The following ATRN variants were observed in gnomAD, a reference collection of about 807,000 sequenced individuals.
The protein encoded by ATRN is attractin.
A neutral mutation model predicts 178.7 loss-of-function variants in ATRN; 54 were observed. The observed-to-expected ratio is 0.30, with a 90% CI of 0.24 to 0.38. The LOEUF (loss-of-function observed/expected upper bound fraction) is 0.38, where lower values mean the gene tolerates loss of function less well. ATRN is among the 10% of genes least tolerant of loss of function. ATRN has a pLI of 1.00. For missense variants in ATRN, 1,443 were observed against 1,815.1 expected (o/e 0.79, Z 3.73); for synonymous variants, 636 against 663.0 (o/e 0.96, Z 0.63).
intron 18 of ATRN, among the ~76,000 whole-genome samples, chr20:3,588,007 C>T (rs2086382107): frequency 1.3e-5 from 2 of 152,028 alleles, no homozygotes; most frequent in Non-Finnish European, 2.9e-5. Flanking sequence ...CTACCAACAC[C>T]CAGCTAATTT....
rs777971721 is a variant in ATRN, at chr20:3,584,765, A to G, written c.3069A>G (p.Gly1023=). The G allele has an allele frequency of 1.2e-6, 2 of 1,614,038 alleles. No individual in the cohort carries two copies. The highest frequency in any genetic ancestry group is 1.3e-5 in the African/African-American group (1 of 74,904). ...AATGCATAGAGGGTTCCTATAAAGGACCAGTGAAGATGCCTTCGCAAGCCC... is the reference window on the plus strand; with the variant it reads ...AATGCATAGAGGGTTCCTATAAAGGGCCAGTGAAGATGCCTTCGCAAGCCC... ...KGKCIEGSYK[G]PVKMPSQAPT... The change falls in exon 18 of 29, where the codon GGA becomes GGG. Residue 1023 remains glycine (G), a synonymous_variant. Transcript: ENST00000262919.
chr20:3,582,895 A>G (rs1462241071), intron 16 of ATRN, among the ~76,000 whole-genome samples: 1 of 152,170 alleles, frequency 6.6e-6, no homozygotes, highest in African/African-American at 2.4e-5. Context: ...GTAGCTTCCC[A>G]GCTTTCAGTC....
chr20:3,622,278 G>C (rs1424684438), intron 24 of ATRN, among the ~76,000 whole-genome samples: 1 of 152,138 alleles, frequency 6.6e-6, no homozygotes, highest in Non-Finnish European at 1.5e-5. Context: ...CACTTCCTAT[G>C]GCTTCATCCT....
chr20:3,592,547 C>A, intron 19 of ATRN: 1 of 899,224 alleles, frequency 1.1e-6, no homozygotes, highest in Non-Finnish European at 1.3e-6. Flanking sequence ...TAGTTTCCAG[C>A]CAAAAAACAT....
In ATRN at chr20:3,476,404, C is replaced by T. The variant is rs1006117425; in HGVS notation, c.410+4887C>T. Among the ~76,000 whole-genome samples, 12 of 152,078 alleles carry T rather than the reference C, an allele frequency of 7.9e-5. 1 individual carries two copies. Among genetic ancestry groups the T allele is most frequent in the Admixed American group, 6.6e-4 (10 of 15,266 alleles). On this transcript the variant is annotated intron_variant, in intron 1 of 28. Transcript: ENST00000262919. ...TCTGAGTCCAGTCACTCTTTATGGA[C>T]GTTCTTTGAAGGACTGACCTAATTC... is the stretch of plus-strand genomic sequence containing the variant.
At chr20:3,509,741 C>CT (rs1401631347) in intron 1 of ATRN, among the ~76,000 whole-genome samples, 19 of 152,102 alleles carry the variant, frequency 1.2e-4, no homozygotes, top group Non-Finnish European at 2.6e-4. Context: ...TGACCTCAAG[C>CT]TATCCACCTG....
intron 17 of ATRN, 74 bp downstream of exon 17, chr20:3,584,157 C>T (rs983038394): frequency 8.3e-6 from 12 of 1,444,556 alleles, no homozygotes; most frequent in Middle Eastern, 4.7e-4. Flanking sequence ...TGAGGCTGTG[C>T]TGTCAGCCTC....
intron 1 of ATRN, among the ~76,000 whole-genome samples, chr20:3,497,291 G>A (rs886173750): frequency 3.0e-4 from 45 of 151,368 alleles, no homozygotes; most frequent in African/African-American, 9.5e-4. Context: ...ATTTTGCAGC[G>A]GCTGGTACCG....
intron 1 of ATRN, among the ~76,000 whole-genome samples, chr20:3,520,155 A>G (rs1001299064): frequency 4.6e-5 from 7 of 152,224 alleles, no homozygotes; most frequent in Non-Finnish European, 8.8e-5. Context: ...GGACATAAGG[A>G]AAAGTTTTGA....
intron 18 of ATRN, among the ~76,000 whole-genome samples, chr20:3,589,772 CTGT>C (rs774391959): frequency 2.6e-4 from 39 of 152,234 alleles, no homozygotes; most frequent in Non-Finnish European, 2.8e-4. Context: ...TCCACTTCGA[CTGT>C]TGTTGACTGG....
chr20:3,637,412 T>C (rs1199533724), intron 26 of ATRN, among the ~76,000 whole-genome samples: 1 of 152,182 alleles, frequency 6.6e-6, no homozygotes, highest in East Asian at 1.9e-4. Flanking sequence ...CCAAGGAGCA[T>C]TGCTGCATAT....
Position 3,522,884 on chromosome 20 carries a change from G to A in ATRN, c.411-12369G>A, listed in dbSNP as rs376776563. On this transcript the variant is annotated intron_variant, in intron 1 of 28. Coordinates refer to ENST00000262919, the MANE Select transcript of ATRN (RefSeq NM_139321.3). ...TAGGATCACCATCAACAAAAAGGAC[G>A]TCCATACAGAAACCCCATCCAAAGG... Among the ~76,000 whole-genome samples the A allele has an allele frequency of 1.3e-4, 20 of 152,116 alleles. No individual in the cohort carries two copies. The East Asian group carries it at 2.1e-3, about 16-fold the overall frequency.
chr20:3,637,350 T>C (rs1212763197), intron 26 of ATRN, among the ~76,000 whole-genome samples: 1 of 152,228 alleles, frequency 6.6e-6, no homozygotes, highest in African/African-American at 2.4e-5. Flanking sequence ...CTTTTACACA[T>C]GTTGCCTCCT....
chr20:3,487,213 A>G (rs1032353898), intron 1 of ATRN, among the ~76,000 whole-genome samples: 1 of 152,028 alleles, frequency 6.6e-6, no homozygotes, highest in African/African-American at 2.4e-5. Flanking sequence ...TTTTGATCCT[A>G]TTGTGCCTTT....
At chr20:3,579,612 C>T (rs184141727) in intron 15 of ATRN, among the ~76,000 whole-genome samples, 32 of 152,330 alleles carry the variant, frequency 2.1e-4, no homozygotes, top group Admixed American at 2.0e-3. Context: ...CTCAAGTTCT[C>T]TGCTTGTCCA....
intron 3 of ATRN, among the ~76,000 whole-genome samples, chr20:3,542,326 A>G (rs930060720): frequency 6.6e-6 from 1 of 152,220 alleles, no homozygotes; most frequent in African/African-American, 2.4e-5. Context: ...GAATCAGCTT[A>G]TCAGGAGCCT....
intron 1 of ATRN, among the ~76,000 whole-genome samples, chr20:3,476,157 GCAAAA>G (rs2084527258): frequency 6.6e-6 from 1 of 152,084 alleles, no homozygotes; most frequent in Non-Finnish European, 1.5e-5. Flanking sequence ...AAAAAACAAA[GCAAAA>G]CAAAAAATAT....
At chr20:3,615,901 G>A in intron 24 of ATRN, 1 of 444,964 alleles carries the variant, frequency 2.2e-6, no homozygotes, top group South Asian at 1.6e-5. Context: ...TGTGGGGTGG[G>A]GGGAAGGGGA....
chr20:3,644,132 T>A (rs1273371194), intron 27 of ATRN, 22 bp from the exon 28 acceptor site: 3 of 1,553,886 alleles, frequency 1.9e-6, no homozygotes, highest in Non-Finnish European at 2.7e-6. Context: ...TCACTTAAGG[T>A]AATTTTGTTT....
Sources: gnomAD v4.1 joint callset for allele counts (sites outside exome capture counted in the v4.1 genomes callset) on GRCh38, gnomAD v4.1.1 for gene constraint, MANE v1.5 for transcripts, NCBI Gene and HGNC (gene_info 2026-07-23, HGNC 2026-07-21) for gene names.